The following MAK variants were observed in gnomAD, a reference collection of about 807,000 sequenced individuals.
The protein encoded by MAK is male germ cell associated kinase.
In MAK, 65 loss-of-function variants were observed where a neutral mutation model predicts 82.6. That is an observed-to-expected ratio of 0.79 (90% CI 0.64 to 0.97). The LOEUF (loss-of-function observed/expected upper bound fraction) is 0.97. Among genes scored for constraint, MAK ranks in the 50% least tolerant of loss-of-function variants. MAK has a pLI of 0.00. For synonymous variants in MAK, 250 were observed against 274.2 expected (o/e 0.91, Z 0.87); for missense variants, 703 against 780.2 (o/e 0.90, Z 1.18).
intron 4 of MAK, among the ~76,000 whole-genome samples, chr6:10,817,022 T>C (rs1777548099): frequency 6.6e-6 from 1 of 152,188 alleles, no homozygotes; most frequent in Non-Finnish European, 1.5e-5. Flanking sequence ...ATTAATGTTA[T>C]GATGATTTCG....
intron 8 of MAK, among the ~76,000 whole-genome samples, chr6:10,801,455 A>C (rs760653382): frequency 1.3e-5 from 2 of 152,240 alleles, no homozygotes; most frequent in African/African-American, 4.8e-5. Context: ...TGCACACTCC[A>C]GTCCCAGCAA....
In MAK at chr6:10,764,212, T is replaced by C; in HGVS notation, c.*240A>G. The C allele has an allele frequency of 4.2e-6, 2 of 475,746 alleles. No homozygotes were observed. The highest frequency in any genetic ancestry group is 3.5e-5 in the East Asian group (1 of 28,216). The allele number at this position is 475,746 out of a possible 1,614,324, so 29.5% of individuals were successfully genotyped here. ...ATCAAATACTTCATACTTTGGCAAA[T>C]AGTTTATTCAATACTTTGTAACATC... On this transcript the variant is annotated 3_prime_UTR_variant, in exon 15 of 15. Coordinates refer to ENST00000354489, the MANE Select transcript of MAK (RefSeq NM_001242957.3).
rs1000156754 is a variant in MAK, at chr6:10,817,724, C to T, written c.278+126G>A. 14 of 729,338 alleles carry T rather than the reference C, an allele frequency of 1.9e-5. No homozygotes were observed. The African/African-American group carries it at 2.5e-4, about 13-fold the overall frequency. The allele number at this position is 729,338 out of a possible 1,614,324, so 45.2% of individuals were successfully genotyped here. A position where few individuals can be genotyped will look rare whatever the true frequency, so the allele number is the denominator to read the frequency against. On this transcript the variant is annotated intron_variant, in intron 4 of 14. Coordinates refer to ENST00000354489, the MANE Select transcript of MAK (RefSeq NM_001242957.3). ...AAATGTTACCCTTTGATAAAGGTAA[C>T]AGAACTGGTTAATTTAAATTTACCT...
chr6:10,835,994 C>G (rs536929), intron 1 of MAK, among the ~76,000 whole-genome samples: 142 of 152,314 alleles, frequency 9.3e-4, no homozygotes, highest in Non-Finnish European at 1.5e-3. Flanking sequence ...CCCAAGCCTG[C>G]GTGCACAGTC....
At chr6:10,771,573 G>C (rs1040498896) in intron 13 of MAK, among the ~76,000 whole-genome samples, 1 of 152,218 alleles carries the variant, frequency 6.6e-6, no homozygotes, top group Non-Finnish European at 1.5e-5. Context: ...TCAAAGCACT[G>C]TTCAGTAAAC....
Position 10,800,420 on chromosome 6 carries a change from G to A in MAK, c.831+1472C>T, listed in dbSNP as rs1317443948. On this transcript the variant is annotated intron_variant, in intron 8 of 14. Transcript: ENST00000354489. This position sits in a 1 kb window ranked among gnomAD's most constrained non-coding sequence, Gnocchi z 4.2. The stretch of plus-strand genomic sequence containing the variant: ...TACTTTTTATGTAATCAAATTGTTT[G>A]AATCTTCCTTTTGTGGTTTCTTCTA... Among the ~76,000 whole-genome samples, 2 of 151,802 alleles carry A rather than the reference G, an allele frequency of 1.3e-5. No homozygotes were observed. The highest frequency in any genetic ancestry group is 2.9e-5 in the Non-Finnish European group (2 of 67,978).
At chr6:10,780,858 ACT>A (rs949894033) in intron 11 of MAK, among the ~76,000 whole-genome samples, 8 of 152,042 alleles carry the variant, frequency 5.3e-5, no homozygotes, top group East Asian at 1.9e-4. Context: ...TCAGATTAAA[ACT>A]CTCTCAGAAT....
chr6:10,778,276 T>C (rs1430542189), intron 11 of MAK, among the ~76,000 whole-genome samples: 1 of 152,168 alleles, frequency 6.6e-6, no homozygotes, highest in African/African-American at 2.4e-5. Flanking sequence ...GTTTTAGTCA[T>C]AACTAAGTAA....
Position 10,800,111 on chromosome 6 carries a change from CA to C in MAK, c.831+1780del, listed in dbSNP as rs1775899814. Among the ~76,000 whole-genome samples, 2 of 151,450 alleles carry C rather than the reference CA, an allele frequency of 1.3e-5. No homozygotes were observed. Among genetic ancestry groups the C allele is most frequent in the South Asian group, 4.2e-4 (2 of 4,786 alleles). On this transcript the variant is annotated intron_variant, in intron 8 of 14. Transcript: ENST00000354489. The surrounding 1 kb of genome is among the most constrained non-coding windows in gnomAD (Gnocchi z 4.2). Reference sequence around the variant, plus strand: ...AACCCCTCTGGTCTCTACAAAAATACAAAAATAAGCCAAGCGTGGTGGCGGG... The same window carrying C: ...AACCCCTCTGGTCTCTACAAAAATACAAAATAAGCCAAGCGTGGTGGCGGG...
chr6:10,833,529 T>C (rs1778957982), intron 1 of MAK, among the ~76,000 whole-genome samples: 1 of 151,926 alleles, frequency 6.6e-6, no homozygotes, highest in Admixed American at 6.6e-5. Flanking sequence ...CACTTGAACC[T>C]GGGAGGCGGA....
intron 13 of MAK, among the ~76,000 whole-genome samples, chr6:10,771,997 T>C (rs1327368775): frequency 6.6e-6 from 1 of 152,218 alleles, no homozygotes; most frequent in Non-Finnish European, 1.5e-5. Flanking sequence ...AAATTCCAGG[T>C]AGGGTTATGT....
At chr6:10,811,696 A>G (rs1776943996) in intron 5 of MAK, among the ~76,000 whole-genome samples, 1 of 152,236 alleles carries the variant, frequency 6.6e-6, no homozygotes, top group South Asian at 2.1e-4. Flanking sequence ...GTAGTATATC[A>G]TTACAGGATT....
At chr6:10,804,053 T>C (rs1020693961) in intron 6 of MAK, among the ~76,000 whole-genome samples, 162 bp from the exon 7 acceptor site, 18 of 152,122 alleles carry the variant, frequency 1.2e-4, no homozygotes, top group African/African-American at 3.6e-4. Context: ...CTGGGGATAA[T>C]AGGACACAAC....
At chr6:10,820,368 C>T (rs1294797078) in intron 2 of MAK, among the ~76,000 whole-genome samples, 1 of 152,080 alleles carries the variant, frequency 6.6e-6, no homozygotes, top group Admixed American at 6.6e-5. Context: ...TAAAAATTGG[C>T]AGCACAACAT....
At position 10,800,049 on chromosome 6, in the gene MAK, AAAAC is replaced by A. The variant is rs201800689; in HGVS notation, c.831+1839_831+1842del. ...GGCGATGGAGCGAGACTCCGTTTCA[AAAAC>A]AAAAACAAAAACAAAAAAAAACTAA... On this transcript the variant is annotated intron_variant, in intron 8 of 14. Transcript: ENST00000354489. This position sits in a 1 kb window ranked among gnomAD's most constrained non-coding sequence, Gnocchi z 4.2. Among the ~76,000 whole-genome samples the A allele has an allele frequency of 0.035, 5,350 of 151,742 alleles. 251 individuals carry two copies. The highest frequency in any genetic ancestry group is 0.12 in the African/African-American group (4,935 of 41,288).
intron 14 of MAK, among the ~76,000 whole-genome samples, chr6:10,767,071 G>GAC (rs1305046702): frequency 6.7e-6 from 1 of 148,324 alleles, no homozygotes; most frequent in Non-Finnish European, 1.5e-5. Context: ...GCCTTAGTGG[G>GAC]ACCACCCCAC....
chr6:10,797,972 A>C, intron 8 of MAK: 1 of 1,098,810 alleles, frequency 9.1e-7, no homozygotes. Context: ...TGCCTAGCAC[A>C]CTGAAGGTAC....
intron 4 of MAK, 24 bp downstream of exon 4, chr6:10,817,826 G>A (rs1259583112): frequency 5.5e-6 from 8 of 1,464,454 alleles, no homozygotes; most frequent in African/African-American, 1.4e-5. Context: ...AGAATAACAG[G>A]GAAAAACATG....
intron 6 of MAK, among the ~76,000 whole-genome samples, chr6:10,807,998 G>A (rs1451320436): frequency 6.6e-6 from 1 of 151,938 alleles, no homozygotes; most frequent in Admixed American, 6.6e-5. Flanking sequence ...AAACCGGGAG[G>A]CAGAGGTTGC....
Sources: allele counts gnomAD v4.1 joint callset (sites outside exome capture counted in the v4.1 genomes callset), GRCh38; gene constraint gnomAD v4.1.1; non-coding constraint Gnocchi (gnomAD v3.1); transcripts MANE v1.5; gene names NCBI Gene and HGNC (gene_info 2026-07-23, HGNC 2026-07-21).